The following EFR3B variants were observed in gnomAD, a reference collection of about 807,000 sequenced individuals.
The protein encoded by EFR3B is protein EFR3 homolog B.
In EFR3B, 64 loss-of-function variants were observed where a neutral mutation model predicts 104.7. That is an observed-to-expected ratio of 0.61 (90% confidence interval 0.50 to 0.75). The LOEUF (loss-of-function observed/expected upper bound fraction) is 0.75. EFR3B is among the 30% of genes least tolerant of loss of function. The pLI is 0.00. For synonymous variants in EFR3B, 385 were observed against 417.9 expected (o/e 0.92, Z 0.96); for missense variants, 750 against 1,078.5 (o/e 0.70, Z 4.27).
chr2:25,125,698 C>T (rs1438598944), intron 5 of EFR3B, among the ~76,000 whole-genome samples: 1 of 152,192 alleles, frequency 6.6e-6, no homozygotes, highest in Non-Finnish European at 1.5e-5. Context: ...CCTGTAATCC[C>T]AGCACTTTGG....
intron 1 of EFR3B, among the ~76,000 whole-genome samples, chr2:25,087,388 C>G (rs946106117): frequency 2.0e-5 from 3 of 151,722 alleles, no homozygotes; most frequent in Admixed American, 6.6e-5. Flanking sequence ...TACACACACA[C>G]ACACATATAT....
At chr2:25,069,285 G>A (rs1024853362) in intron 1 of EFR3B, among the ~76,000 whole-genome samples, 3 of 152,172 alleles carry the variant, frequency 2.0e-5, no homozygotes, top group East Asian at 1.9e-4. Context: ...CAATTAAAGC[G>A]AGATGAGAAG....
chr2:25,057,045 G>T (rs560437817), intron 1 of EFR3B, among the ~76,000 whole-genome samples: 2 of 152,316 alleles, frequency 1.3e-5, no homozygotes, highest in African/African-American at 4.8e-5. Context: ...GGCACCCGGG[G>T]CTGGTGGTAC....
intron 3 of EFR3B, among the ~76,000 whole-genome samples, chr2:25,094,151 G>A (rs1429926932): frequency 6.6e-6 from 1 of 151,838 alleles, no homozygotes; most frequent in Non-Finnish European, 1.5e-5. Flanking sequence ...TGGGCGTGGT[G>A]GTATGCACCT....
chr2:25,063,049 G>T (rs890749066), intron 1 of EFR3B, among the ~76,000 whole-genome samples: 9 of 151,856 alleles, frequency 5.9e-5, no homozygotes, highest in Non-Finnish European at 1.3e-4. Context: ...TCAGCCTCCC[G>T]AGTAGTTGGG....
In EFR3B at chr2:25,151,989, T is replaced by C; in HGVS notation, c.2267T>C (p.Phe756Ser). 1 of 1,551,652 alleles carries C rather than the reference T, an allele frequency of 6.4e-7. No individual in the cohort carries two copies. Among genetic ancestry groups the C allele is most frequent in the East Asian group, 2.4e-5 (1 of 40,920 alleles). ...QVVEKFQKAP[F>S]EEIAAHCGAR... ...GTGGAGAAGTTCCAGAAGGCACCCT[T>C]CGAGGAGATTGCTGCACACTGCGGG... The change falls in exon 21 of 23, where the codon TTC becomes TCC. Residue 756 changes from phenylalanine to serine, a missense_variant. Transcript: ENST00000403714.
chr2:25,146,291 G>A (rs985467646), intron 19 of EFR3B: 1 of 152,004 alleles, frequency 6.6e-6, no homozygotes, highest in African/African-American at 2.4e-5. Flanking sequence ...ATCAGAGGTA[G>A]GAGAAGTCTC....
intron 1 of EFR3B, among the ~76,000 whole-genome samples, chr2:25,057,653 A>G (rs1018334208): frequency 1.3e-5 from 2 of 152,124 alleles, no homozygotes; most frequent in Non-Finnish European, 1.5e-5. Context: ...ACGGTGGCAC[A>G]TGCCTGTAAT....
intron 10 of EFR3B, among the ~76,000 whole-genome samples, 163 bp from the exon 11 acceptor site, chr2:25,132,739 TC>T (rs1277619980): frequency 6.6e-6 from 1 of 152,148 alleles, no homozygotes; most frequent in Non-Finnish European, 1.5e-5. Flanking sequence ...TGCCTCCCTT[TC>T]CTGGAGAGGC....
intron 4 of EFR3B, among the ~76,000 whole-genome samples, chr2:25,121,351 C>G (rs1383274939): frequency 6.6e-6 from 1 of 152,202 alleles, no homozygotes; most frequent in Admixed American, 6.5e-5. Context: ...GCCTCCCCGC[C>G]CCCGTGTGTT....
At chr2:25,133,158 C>A in intron 11 of EFR3B, 144 bp downstream of exon 11, 2 of 890,482 alleles carry the variant, frequency 2.2e-6, no homozygotes, top group Non-Finnish European at 3.5e-6. Context: ...TTTAATGGGG[C>A]TCTTGGATCC....
At position 25,130,748 on chromosome 2, in the gene EFR3B, C is replaced by T. The variant is rs908014747; in HGVS notation, c.849+118C>T. ...TGACTCCTCCGAAGCCCCCAGTTGC[C>T]GAAACCAGTGCTGCTTAAGCTAGCT... On this transcript the variant is annotated intron_variant, in intron 8 of 22. Coordinates refer to ENST00000403714, the MANE Select transcript of EFR3B (RefSeq NM_014971.2). The surrounding 1 kb of genome is among the most constrained non-coding windows in gnomAD (Gnocchi z 4.6). 1.2e-5 allele frequency: 11 copies of T among 891,454 alleles called. No individual in the cohort carries two copies. Among genetic ancestry groups the T allele is most frequent in the African/African-American group, 3.3e-5 (2 of 60,228 alleles). The allele number at this position is 891,454 out of a possible 1,614,324, so 55.2% of individuals were successfully genotyped here.
intron 1 of EFR3B, among the ~76,000 whole-genome samples, chr2:25,070,483 G>A (rs572049535): frequency 5.1e-4 from 77 of 152,028 alleles, no homozygotes; most frequent in African/African-American, 1.7e-3. Context: ...GGCTGGTCTC[G>A]AACTCCTGGT....
chr2:25,042,666 G>T lies in EFR3B; in HGVS notation c.7+347G>T. 3 of 1,060,754 alleles carry T rather than the reference G, an allele frequency of 2.8e-6. No individual in the cohort carries two copies. Among genetic ancestry groups the T allele is most frequent in the Non-Finnish European group, 3.4e-6 (3 of 878,908 alleles). The allele number at this position is 1,060,754 out of a possible 1,614,324, so 65.7% of individuals were successfully genotyped here. On this transcript the variant is annotated intron_variant, in intron 1 of 22. Coordinates refer to ENST00000403714, the MANE Select transcript of EFR3B (RefSeq NM_014971.2). The surrounding 1 kb of genome is among the most constrained non-coding windows in gnomAD (Gnocchi z 5.4). The stretch of plus-strand genomic sequence containing the variant: ...CAGCATTTGCGGAATTAACAAAAGC[G>T]GTTTGTGCCTGGGAGTTTTCTGTGG...
At position 25,139,101 on chromosome 2, in the gene EFR3B, C is replaced by A; in HGVS notation, c.1765C>A (p.Arg589Ser). 6.4e-7 allele frequency: 1 copy of A among 1,551,730 alleles called. No individual in the cohort carries two copies. The highest frequency in any genetic ancestry group is 8.7e-7 in the Non-Finnish European group (1 of 1,146,992). Residue 589 changes from arginine to serine, a missense_variant, in exon 16 of 23, where the codon CGC (arginine) becomes AGC (serine). By Grantham distance (110) the Arg-to-Ser change is moderately radical. Coordinates refer to ENST00000403714, the MANE Select transcript of EFR3B (RefSeq NM_014971.2). Reference sequence around the variant, plus strand: ...TGAGGAGAACTTGCCTGTCTACAACCGCTGTGCCCTCTATGCTCTGGGCGC... The same window carrying A: ...TGAGGAGAACTTGCCTGTCTACAACAGCTGTGCCCTCTATGCTCTGGGCGC... ...VNEENLPVYN[R>S]CALYALGAAY...
chr2:25,046,611 C>G (rs1667726165), intron 1 of EFR3B, among the ~76,000 whole-genome samples: 1 of 148,788 alleles, frequency 6.7e-6, no homozygotes, highest in Non-Finnish European at 1.5e-5. Flanking sequence ...TCACGCCATT[C>G]TCCTGCCTCA....
chr2:25,053,902 G>A (rs941979417), intron 1 of EFR3B, among the ~76,000 whole-genome samples: 7 of 152,118 alleles, frequency 4.6e-5, no homozygotes, highest in South Asian at 4.1e-4. Context: ...GCGAGACTCC[G>A]TCAAACAAAC....
Position 25,045,638 on chromosome 2 carries a change from C to T in EFR3B, c.7+3319C>T, listed in dbSNP as rs1378720851. Among the ~76,000 whole-genome samples the T allele has an allele frequency of 4.0e-5, 6 of 151,626 alleles. No individual in the cohort carries two copies. In the East Asian group the frequency reaches 7.8e-4, roughly 20 times the overall value. On this transcript the variant is annotated intron_variant, in intron 1 of 22. Transcript: ENST00000403714. Reference sequence around the variant, plus strand: ...CTCTACCAAAAGTACAGAAATTAGCCGGGCGTGGTGGCAGGTACCTGTAAT... The same window carrying T: ...CTCTACCAAAAGTACAGAAATTAGCTGGGCGTGGTGGCAGGTACCTGTAAT...
chr2:25,151,928 G>C lies in EFR3B; in HGVS notation c.2206G>C (p.Val736Leu). ...CTGTGTCGAAGTGGACAGCGTAGCA[G>C]TGGAGGAGCAGGAGCGTGAGCGGCG... ...LKKAIVDSVA[V>L]EEQERERRRQ... Residue 736 changes from valine (V) to leucine (L), a missense_variant, in exon 21 of 23, where the codon GTG (valine) becomes CTG (leucine). Transcript: ENST00000403714. 3.2e-6 allele frequency: 5 copies of C among 1,551,786 alleles called. No individual in the cohort carries two copies. The highest frequency in any genetic ancestry group is 4.4e-6 in the Non-Finnish European group (5 of 1,147,018).
Sources: gnomAD v4.1 joint callset for allele counts (sites outside exome capture counted in the v4.1 genomes callset) on GRCh38, gnomAD v4.1.1 for gene constraint, Gnocchi (gnomAD v3.1) non-coding constraint, MANE v1.5 for transcripts, NCBI Gene and HGNC (gene_info 2026-07-23, HGNC 2026-07-21) for gene names.